Variants in CLCN4 observed in about 807,000 individuals in gnomAD.
CLCN4 encodes Cl-/H+ antiporter 4, also known as H(+)/Cl(-) exchange transporter 4.
A neutral mutation model predicts 41.7 loss-of-function variants in CLCN4; 1 was observed. The observed-to-expected ratio is 0.02, with a 90% confidence interval of 0.01 to 0.11. The LOEUF (loss-of-function observed/expected upper bound fraction) is 0.11. CLCN4 is among the 10% of genes least tolerant of loss of function. CLCN4 has a pLI of 1.00. For missense variants in CLCN4, 287 were observed against 661.0 expected (o/e 0.43, Z 6.20); for synonymous variants, 277 against 285.8 (o/e 0.97, Z 0.31).
rs1024552564 is a variant in CLCN4, at chrX:10,220,976, A to G, written c.2192+99A>G. 6 of 675,409 alleles carry G rather than the reference A, an allele frequency of 8.9e-6. No homozygotes were observed. In the African/African-American group the frequency reaches 1.3e-4, roughly 14 times the overall value. 55.7% of individuals were successfully genotyped at this position (675,409 alleles called of 1,213,427 possible). A position where few individuals can be genotyped will look rare whatever the true frequency, so the allele number is the denominator to read the frequency against. ...AATGTGGAGGGCCATGGGGTGGAATAGTCCTTGACAGAGAATGGCAGTAAG... is the reference window on the plus strand; with the variant it reads ...AATGTGGAGGGCCATGGGGTGGAATGGTCCTTGACAGAGAATGGCAGTAAG... On this transcript the variant is annotated intron_variant, in intron 12 of 12. Transcript: ENST00000380833.
chrX:10,220,755 C>G lies in CLCN4; in HGVS notation c.2070C>G (p.Pro690=), dbSNP rs763362940. ...AGCTGCCGGCCAACAGCCCACATCC[C>G]CTGAAGCTGCGGCGCATCCTGAACC... The part of the protein sequence containing the change: ...PPELPANSPH[P]LKLRRILNLS... Residue 690 remains proline, a synonymous_variant, in exon 12 of 13, where the codon CCC becomes CCG. Transcript: ENST00000380833. 5.8e-6 allele frequency: 7 copies of G among 1,209,840 alleles called. No homozygotes were observed. In the East Asian group the frequency reaches 2.1e-4, roughly 36 times the overall value.
At chrX:10,171,410 C>T (rs762446272) in intron 2 of CLCN4, among the ~76,000 whole-genome samples, 11 of 111,762 alleles carry the variant, frequency 9.8e-5, no homozygotes, top group African/African-American at 2.9e-4. Flanking sequence ...ATGCTGCCTT[C>T]GTTTGGGTCC....
chrX:10,186,489 A>G (rs999584158), intron 3 of CLCN4, among the ~76,000 whole-genome samples: 2 of 111,165 alleles, frequency 1.8e-5, no homozygotes, highest in Non-Finnish European at 3.8e-5. Flanking sequence ...GTCACCCTCT[A>G]TGGAGAGGTC....
At chrX:10,185,556 C>A (rs375413541) in intron 3 of CLCN4, among the ~76,000 whole-genome samples, 18 of 112,125 alleles carry the variant, frequency 1.6e-4, no homozygotes, top group African/African-American at 4.9e-4. Context: ...TTTAATGGAC[C>A]ACAATGGTTA....
At chrX:10,199,382 A>G (rs1339414171) in intron 6 of CLCN4, among the ~76,000 whole-genome samples, 1 of 112,714 alleles carries the variant, frequency 8.9e-6, no homozygotes, top group Non-Finnish European at 1.9e-5. Context: ...ATATGTAAAT[A>G]CCACAATAAA....
intron 2 of CLCN4, among the ~76,000 whole-genome samples, chrX:10,172,446 A>T (rs1965647591): frequency 8.9e-6 from 1 of 111,868 alleles, no homozygotes; most frequent in South Asian, 3.7e-4. Flanking sequence ...CGCTGGCAGC[A>T]TCAGATACAG....
intron 4 of CLCN4, among the ~76,000 whole-genome samples, chrX:10,190,720 C>T (rs1159932445): frequency 1.8e-5 from 2 of 111,910 alleles, no homozygotes; most frequent in East Asian, 5.6e-4. Flanking sequence ...TTTCACCATT[C>T]CACAAGGTAT....
intron 5 of CLCN4, among the ~76,000 whole-genome samples, chrX:10,195,699 C>T (rs1223841562): frequency 8.9e-6 from 1 of 112,219 alleles, no homozygotes; most frequent in African/African-American, 3.2e-5. Context: ...TTTTGTCTCT[C>T]TAGATTTGCC....
chrX:10,166,282 G>A (rs1232180657), intron 2 of CLCN4, among the ~76,000 whole-genome samples: 4 of 112,139 alleles, frequency 3.6e-5, no homozygotes, highest in East Asian at 2.8e-4. Context: ...AGCAGCGCGC[G>A]TCCCTTCATC....
intron 11 of CLCN4, among the ~76,000 whole-genome samples, chrX:10,216,315 C>G (rs1223662300): frequency 1.8e-5 from 2 of 112,142 alleles, no homozygotes; most frequent in African/African-American, 6.5e-5. Flanking sequence ...TGTTAGAGAG[C>G]ACGTCGTTAG....
chrX:10,200,101 C>T (rs1004310526), intron 6 of CLCN4, among the ~76,000 whole-genome samples: 4 of 111,932 alleles, frequency 3.6e-5, no homozygotes, highest in Middle Eastern at 4.6e-3. Context: ...CTCTATTGCC[C>T]GGGCTGGTCT....
rs112911722 is a variant in CLCN4 at position 10,198,856 on chromosome X, T to G, written c.555+795T>G. ...ATCACTGTAATCCATGCAGTTCAGT[T>G]CTCCTTTGGGTTGATGCCTTAGCGA... is the stretch of plus-strand genomic sequence containing the variant. On this transcript the variant is annotated intron_variant, in intron 6 of 12. Coordinates refer to ENST00000380833, the MANE Select transcript of CLCN4 (RefSeq NM_001830.4). Among the ~76,000 whole-genome samples, 614 of 112,114 alleles carry G rather than the reference T, an allele frequency of 5.5e-3. 9 individuals are homozygous for G. Among genetic ancestry groups the G allele is most frequent in the African/African-American group, 0.019 (590 of 30,827 alleles).
At chrX:10,169,786 CTTTTCTT>C (rs1569223439) in intron 2 of CLCN4, among the ~76,000 whole-genome samples, 2 of 51,016 alleles carry the variant, frequency 3.9e-5, no homozygotes, top group African/African-American at 2.6e-4. Flanking sequence ...TTTTTCTTTT[CTTTTCTT>C]TTTTTTTTTT....
At chrX:10,177,393 A>G (rs1428244737) in intron 2 of CLCN4, among the ~76,000 whole-genome samples, 1 of 112,570 alleles carries the variant, frequency 8.9e-6, no homozygotes, top group Non-Finnish European at 1.9e-5. Flanking sequence ...ACACTGAACA[A>G]CATGGGTAGA....
chrX:10,198,528 C>CT (rs1350603571), intron 6 of CLCN4, among the ~76,000 whole-genome samples: 1 of 112,603 alleles, frequency 8.9e-6, no homozygotes, highest in Non-Finnish European at 1.9e-5. Flanking sequence ...GATGAAATCT[C>CT]TCTTGCCATG....
intron 12 of CLCN4, among the ~76,000 whole-genome samples, chrX:10,229,351 G>GA (rs2147192014): frequency 9.2e-6 from 1 of 109,146 alleles, no homozygotes; most frequent in African/African-American, 3.4e-5. Flanking sequence ...GTACATAGTA[G>GA]ATGTGTATAT....
At position 10,232,156 on chromosome X, in the gene CLCN4, A is replaced by G. The variant is rs1368908939; in HGVS notation, c.2193-1338A>G. On this transcript the variant is annotated intron_variant, in intron 12 of 12. Transcript: ENST00000380833. ...TTTGCTGTCTCTCTCAGTGTGATAC[A>G]TAGGGAAACCAACACAAGAAACGGA... Among the ~76,000 whole-genome samples the G allele has an allele frequency of 4.5e-5, 5 of 112,070 alleles. No homozygotes were observed. In the Admixed American group the frequency reaches 4.7e-4, roughly 11 times the overall value.
At position 10,228,966 on chromosome X, in the gene CLCN4, C is replaced by G. The variant is rs1003726210; in HGVS notation, c.2193-4528C>G. 7.1e-5 allele frequency among the ~76,000 whole-genome samples: 8 copies of G among 112,004 alleles called. No homozygotes were observed. The East Asian group carries it at 2.0e-3, about 27-fold the overall frequency. ...ATGGGGGATGGGGATGCTGCTGCAT[C>G]TAGTGGGTAGAGGCCCAGGATGCTG... On this transcript the variant is annotated intron_variant, in intron 12 of 12. Transcript: ENST00000380833.
chrX:10,157,247 T>A, intron 1 of CLCN4, 147 bp downstream of exon 1: 1 of 272,285 alleles, frequency 3.7e-6, no homozygotes, highest in Non-Finnish European at 6.5e-6. Context: ...AATTAGAGAT[T>A]AACCTTCTGA....
Sources: allele counts gnomAD v4.1 joint callset (sites outside exome capture counted in the v4.1 genomes callset), GRCh38; gene constraint gnomAD v4.1.1; transcripts MANE v1.5; gene names NCBI Gene and HGNC (gene_info 2026-07-23, HGNC 2026-07-21).